Variants in WASHC2A observed in about 807,000 individuals in gnomAD.
WASHC2A encodes the protein WASH complex subunit FAM21A.
WASHC2A carries 82 observed loss-of-function variants against 140.3 expected under a neutral mutation model. The observed-to-expected ratio is 0.58, with a 90% CI of 0.49 to 0.70. The LOEUF is 0.70. WASHC2A is among the 30% of genes least tolerant of loss of function. The pLI is 0.00. For missense variants in WASHC2A, 985 were observed against 1,521.8 expected, an observed-to-expected ratio of 0.65 and a Z score of 5.87; for synonymous variants, 340 against 560.8, an observed-to-expected ratio of 0.61 and a Z score of 5.56.
intron 23 of WASHC2A, among the ~76,000 whole-genome samples, chr10:50,124,701 C>G (rs1392913942): frequency 6.6e-6 from 1 of 151,550 alleles, no homozygotes; most frequent in Non-Finnish European, 1.5e-5. Context: ...GCTGTCTCTT[C>G]TTCCCTTTGG....
intron 2 of WASHC2A, among the ~76,000 whole-genome samples, chr10:50,068,600 C>T (rs1303616899): frequency 2.6e-5 from 4 of 151,060 alleles, no homozygotes; most frequent in Admixed American, 1.3e-4. Flanking sequence ...TGGGATTTTT[C>T]AAATCGGGGG....
chr10:50,116,565 G>A (rs1471455042), intron 21 of WASHC2A, among the ~76,000 whole-genome samples: 1 of 149,238 alleles, frequency 6.7e-6, no homozygotes, highest in African/African-American at 2.5e-5. Flanking sequence ...CGCCCACCTT[G>A]GCCTCCCAAA....
intron 13 of WASHC2A, 107 bp from the exon 14 acceptor site, chr10:50,095,041 A>T: frequency 6.3e-7 from 1 of 1,589,226 alleles, no homozygotes; most frequent in Non-Finnish European, 8.6e-7. Context: ...AGTGGTTTCA[A>T]AAGGTCTGAT....
At chr10:50,092,600 T>C (rs1445610775) in intron 11 of WASHC2A, among the ~76,000 whole-genome samples, 1 of 152,034 alleles carries the variant, frequency 6.6e-6, no homozygotes, top group Non-Finnish European at 1.5e-5. Context: ...GAGATTGCAG[T>C]GAGCCTTGAT....
chr10:50,121,029 A>G lies in WASHC2A; in HGVS notation c.2478+1260A>G, dbSNP rs1361641157. 6.8e-5 allele frequency among the ~76,000 whole-genome samples: 10 copies of G among 147,410 alleles called. No individual in the cohort carries two copies. In the East Asian group the frequency reaches 1.7e-3, roughly 26 times the overall value. On this transcript the variant is annotated intron_variant, in intron 23 of 30. Coordinates refer to ENST00000282633, the MANE Select transcript of WASHC2A (RefSeq NM_001005751.3). ...GGACATCTATGAAATCCCTCAGCTG[A>G]CATCATACTTAATGGTGAAAGACTG...
intron 23 of WASHC2A, among the ~76,000 whole-genome samples, chr10:50,120,498 T>C (rs1842932743): frequency 7.4e-6 from 1 of 135,736 alleles, no homozygotes; most frequent in African/African-American, 3.0e-5. Flanking sequence ...CGCTTGCCTG[T>C]AATCCCAGCT....
chr10:50,113,439 A>G (rs1439339930), intron 20 of WASHC2A, among the ~76,000 whole-genome samples: 2 of 152,080 alleles, frequency 1.3e-5, no homozygotes, highest in East Asian at 3.9e-4. Context: ...CGCTACTAAA[A>G]AAAAGAAATA....
At chr10:50,128,099 C>T (rs1209483823) in intron 28 of WASHC2A, among the ~76,000 whole-genome samples, 3 of 151,242 alleles carry the variant, frequency 2.0e-5, no homozygotes, top group Admixed American at 6.6e-5. Flanking sequence ...CTTCTAACCA[C>T]AGAGCAGATC....
intron 16 of WASHC2A, among the ~76,000 whole-genome samples, 172 bp downstream of exon 16, chr10:50,097,974 C>G (rs1282572164): frequency 6.6e-6 from 1 of 151,686 alleles, no homozygotes; most frequent in African/African-American, 2.4e-5. Context: ...CCAGATTGAT[C>G]AGTTCTTAGG....
Position 50,133,403 on chromosome 10 carries a change from C to T in WASHC2A, c.*458C>T, listed in dbSNP as rs1430556891. The stretch of plus-strand genomic sequence containing the variant: ...TTAGCAATATGGGAGCAGGTTTTCA[C>T]TGAATTCTGAGGGTGCCTCTGCATG... On this transcript the variant is annotated 3_prime_UTR_variant, in exon 31 of 31. Coordinates refer to ENST00000282633, the MANE Select transcript of WASHC2A (RefSeq NM_001005751.3). 2 of 472,138 alleles carry T rather than the reference C, an allele frequency of 4.2e-6. No individual in the cohort carries two copies. Among genetic ancestry groups the T allele is most frequent in the African/African-American group, 4.0e-5 (2 of 50,142 alleles). The allele number at this position is 472,138 out of a possible 1,614,324, so 29.2% of individuals were successfully genotyped here.
At chr10:50,072,177 C>T (rs868936010) in intron 3 of WASHC2A, among the ~76,000 whole-genome samples, 275 of 147,462 alleles carry the variant, frequency 1.9e-3, no homozygotes, top group Middle Eastern at 6.8e-3. Context: ...CTCCGCCTCC[C>T]GGGTTCAAGC....
intron 20 of WASHC2A, among the ~76,000 whole-genome samples, chr10:50,110,824 T>C (rs1589252093): frequency 7.8e-6 from 1 of 127,686 alleles, no homozygotes; most frequent in Non-Finnish European, 1.5e-5. Context: ...ACTTGGGAGG[T>C]GGAGGTTGCA....
At chr10:50,130,429 A>G (rs1218833190) in intron 29 of WASHC2A, among the ~76,000 whole-genome samples, 6 of 151,108 alleles carry the variant, frequency 4.0e-5, no homozygotes, top group Middle Eastern at 3.4e-3. Flanking sequence ...GGAGCTGACA[A>G]TGTAGTGCAT....
rs1303752740 is a variant in WASHC2A at position 50,091,429 on chromosome 10, A to G, written c.844-2A>G. ...CGATTCTTTTGATTTCTCCTGCTGT[A>G]GAAAAGAAGCAGACCTACATCGTTT... On this transcript the variant is annotated splice_acceptor_variant, in intron 9 of 30. Coordinates refer to ENST00000282633, the MANE Select transcript of WASHC2A (RefSeq NM_001005751.3). LOFTEE classifies it high-confidence loss of function. 3 of 1,549,550 alleles carry G rather than the reference A, an allele frequency of 1.9e-6. No homozygotes were observed. The highest frequency in any genetic ancestry group is 3.9e-5 in the Admixed American group (2 of 50,974).
At chr10:50,098,373 CT>C (rs1246002629) in intron 16 of WASHC2A, among the ~76,000 whole-genome samples, 8 of 151,610 alleles carry the variant, frequency 5.3e-5, no homozygotes, top group Non-Finnish European at 1.0e-4. Context: ...GATCCCCAAC[CT>C]TTTTGGCATT....
rs1268892075 is a variant in WASHC2A, at chr10:50,127,845, G to A, written c.3087+50G>A. On this transcript the variant is annotated intron_variant, in intron 28 of 30. Coordinates refer to ENST00000282633, the MANE Select transcript of WASHC2A (RefSeq NM_001005751.3). The stretch of plus-strand genomic sequence containing the variant: ...TGCTCTCTTCTTTTAACCAGAACAT[G>A]CATATGCTTCTTTCTAGTTTATCAG... The A allele has an allele frequency of 2.4e-5, 19 of 799,930 alleles. No individual in the cohort carries two copies. In the Admixed American group the frequency reaches 4.2e-4, roughly 17 times the overall value. The allele number at this position is 799,930 out of a possible 1,614,324, so 49.6% of individuals were successfully genotyped here. A position where few individuals can be genotyped will look rare whatever the true frequency, so the allele number is the denominator to read the frequency against.
At chr10:50,113,107 G>T (rs1842417852) in intron 20 of WASHC2A, among the ~76,000 whole-genome samples, 2 of 152,058 alleles carry the variant, frequency 1.3e-5, no homozygotes, top group Admixed American at 1.3e-4. Flanking sequence ...AACGGCTCAT[G>T]CCTGTAATCC....
intron 29 of WASHC2A, 71 bp from the exon 30 acceptor site, chr10:50,130,830 C>T (rs1355740462): frequency 1.4e-5 from 22 of 1,605,034 alleles, no homozygotes; most frequent in South Asian, 6.7e-5. Flanking sequence ...TTCCATAGCT[C>T]GTTGTTGTGT....
chr10:50,110,045 T>C (rs1425113075), intron 19 of WASHC2A, 56 bp from the exon 20 acceptor site: 37 of 1,481,590 alleles, frequency 2.5e-5, no homozygotes, highest in South Asian at 1.2e-4. Flanking sequence ...GCTGGGATTA[T>C]AGGTATGAGC....
Sources: allele counts gnomAD v4.1 joint callset (sites outside exome capture counted in the v4.1 genomes callset), GRCh38; gene constraint gnomAD v4.1.1; transcripts MANE v1.5; gene names NCBI Gene and HGNC (gene_info 2026-07-23, HGNC 2026-07-21).